The following ARID1B variants were observed in gnomAD, a reference collection of about 807,000 sequenced individuals.
The protein encoded by ARID1B is AT-rich interactive domain-containing protein 1B.
Under a neutral mutation model 212.3 loss-of-function variants are expected in ARID1B, and 30 were observed. That is an observed-to-expected ratio of 0.14 (90% CI 0.11 to 0.19). ARID1B has a LOEUF of 0.19. Among genes scored for constraint, ARID1B ranks in the 10% least tolerant of loss-of-function variants. The pLI is 1.00. For missense variants in ARID1B, 2,891 were observed against 3,204.0 expected, an observed-to-expected ratio of 0.90 and a Z score of 2.36; for synonymous variants, 1,402 against 1,301.7, an observed-to-expected ratio of 1.08 and a Z score of -1.66.
At chr6:156,897,208 TG>T (rs1788492663) in intron 2 of ARID1B, among the ~76,000 whole-genome samples, 11 of 77,758 alleles carry the variant, frequency 1.4e-4, no homozygotes, top group African/African-American at 3.3e-4. Flanking sequence ...CTGCTGCTGC[TG>T]CTGCTGCTGC....
At chr6:156,896,430 G>A (rs1788390385) in intron 2 of ARID1B, among the ~76,000 whole-genome samples, 1 of 151,542 alleles carries the variant, frequency 6.6e-6, no homozygotes. Context: ...ATATAAATTA[G>A]CTGGTCGTGG....
At chr6:157,167,947 ACT>A (rs1391814512) in intron 9 of ARID1B, 1 of 152,052 alleles carries the variant, frequency 6.6e-6, no homozygotes, top group African/African-American at 2.4e-5. Context: ...GCGACCTGTT[ACT>A]CTCTGTCACA....
chr6:157,189,647 T>C lies in ARID1B; in HGVS notation c.3925T>C (p.Ser1309Pro), dbSNP rs1402613006. 1.2e-6 allele frequency: 2 copies of C among 1,607,794 alleles called. No individual in the cohort carries two copies. The highest frequency in any genetic ancestry group is 3.5e-5 in the Admixed American group (2 of 57,422). ...PKLQPPSPAN[S>P]GSLQGPQTPQ... ...CTTGGTGCTGCTACTATCAGCTAACTCGGGATCCTTGCAAGGCCCACAGAC... is the reference window on the plus strand; with the variant it reads ...CTTGGTGCTGCTACTATCAGCTAACCCGGGATCCTTGCAAGGCCCACAGAC... The change falls in exon 14 of 20, where the codon TCG becomes CCG. Residue 1309 changes from serine (S) to proline (P), a missense_variant. Coordinates refer to ENST00000636930, the MANE Select transcript of ARID1B (RefSeq NM_001374828.1).
intron 5 of ARID1B, among the ~76,000 whole-genome samples, chr6:157,095,329 A>C (rs1271591309): frequency 6.6e-6 from 1 of 152,216 alleles, no homozygotes; most frequent in Non-Finnish European, 1.5e-5. Context: ...AATCGGTCTG[A>C]CACGGGGTAT....
intron 4 of ARID1B, among the ~76,000 whole-genome samples, chr6:156,987,169 GAGAGA>G (rs1233302699): frequency 4.2e-4 from 61 of 146,312 alleles, no homozygotes; most frequent in Non-Finnish European, 7.5e-5. Flanking sequence ...CAGAGAGAGA[GAGAGA>G]GAGAGAGAGA....
intron 9 of ARID1B, chr6:157,169,105 T>C (rs1212048490): frequency 6.9e-6 from 1 of 144,388 alleles, no homozygotes; most frequent in African/African-American, 2.8e-5. Flanking sequence ...GGGATGCGTC[T>C]ACCTGACTGC....
chr6:157,109,917 A>G (rs1786777779), intron 5 of ARID1B, among the ~76,000 whole-genome samples: 3 of 152,256 alleles, frequency 2.0e-5, no homozygotes, highest in African/African-American at 4.8e-5. Context: ...GAGATGCAGA[A>G]TAATAGTCCC....
chr6:157,146,623 CAT>C (rs1043549107), intron 7 of ARID1B, among the ~76,000 whole-genome samples: 24 of 152,302 alleles, frequency 1.6e-4, no homozygotes, highest in African/African-American at 5.1e-4. Flanking sequence ...CACACACACA[CAT>C]GCATACCCAT....
At chr6:156,902,903 T>G (rs920229231) in intron 3 of ARID1B, among the ~76,000 whole-genome samples, 9 of 152,140 alleles carry the variant, frequency 5.9e-5, no homozygotes, top group Non-Finnish European at 1.2e-4. Flanking sequence ...TATCTGGAGT[T>G]TTGATAAAGT....
rs1306754809 is a variant in ARID1B at position 156,778,588 on chromosome 6, G to T, written c.908G>T (p.Gly303Val). The T allele has an allele frequency of 2.4e-6, 3 of 1,274,680 alleles. No individual in the cohort carries two copies. The highest frequency in any genetic ancestry group is 2.0e-6 in the Non-Finnish European group (2 of 1,012,906). The allele number at this position is 1,274,680 out of a possible 1,614,324, so 79.0% of individuals were successfully genotyped here. A position where few individuals can be genotyped will look rare whatever the true frequency, so the allele number is the denominator to read the frequency against. ...CAGCCGCCGGTCGCCGTGCCCGGGG[G>T]CGGCGGCGGCCCGGCGGCCGTCCCG... is the stretch of plus-strand genomic sequence containing the variant. ...TQQPPVAVPG[G>V]GGGPAAVPEF... The change falls in exon 1 of 20, where the codon GGC becomes GTC. Residue 303 changes from glycine (G) to valine (V), a missense_variant. Gly to Val is a moderately radical substitution (Grantham distance 109, BLOSUM62 -3). Coordinates refer to ENST00000636930, the MANE Select transcript of ARID1B (RefSeq NM_001374828.1).
At chr6:156,797,428 G>A (rs1464682671) in intron 1 of ARID1B, among the ~76,000 whole-genome samples, 1 of 152,236 alleles carries the variant, frequency 6.6e-6, no homozygotes, top group Non-Finnish European at 1.5e-5. Flanking sequence ...CAGTCTTTCA[G>A]ATGCCCGGCC....
rs570150446 is a variant in ARID1B, at chr6:156,804,726, A to G, written c.1792-24501A>G. ...GTCCCTCCTACAACACATGGGGATT[A>G]TGGGAACTATAATTCCAGATAAGAT... On this transcript the variant is annotated intron_variant, in intron 1 of 19. Transcript: ENST00000636930. Among the ~76,000 whole-genome samples, 18 of 152,280 alleles carry G rather than the reference A, an allele frequency of 1.2e-4. 1 individual carries two copies. The South Asian group carries it at 2.3e-3, about 19-fold the overall frequency.
At position 157,208,506 on chromosome 6, in the gene ARID1B, C is replaced by CA. The variant is rs1437881955; in HGVS notation, c.*617dup. The CA allele has an allele frequency of 4.3e-6, 1 of 233,270 alleles. No individual in the cohort carries two copies. The highest frequency in any genetic ancestry group is 8.5e-6 in the Non-Finnish European group (1 of 117,814). 14.5% of individuals were successfully genotyped at this position (233,270 alleles called of 1,614,324 possible). A position where few individuals can be genotyped will look rare whatever the true frequency, so the allele number is the denominator to read the frequency against. ...GGTTCCATTAGGCTGGGAGCAAAAA[C>CA]AATGTTTTTTAAGATTGAGAATACA... On this transcript the variant is annotated 3_prime_UTR_variant, in exon 20 of 20. Coordinates refer to ENST00000636930, the MANE Select transcript of ARID1B (RefSeq NM_001374828.1).
chr6:157,152,849 G>A (rs1194012996), intron 8 of ARID1B, among the ~76,000 whole-genome samples: 1 of 152,206 alleles, frequency 6.6e-6, no homozygotes, highest in Non-Finnish European at 1.5e-5. Flanking sequence ...CTTTGGGAGA[G>A]GAAGAAATGG....
chr6:156,845,068 C>A (rs984942571), intron 2 of ARID1B, among the ~76,000 whole-genome samples: 2 of 48,754 alleles, frequency 4.1e-5, no homozygotes, highest in Non-Finnish European at 9.5e-5. Flanking sequence ...ATGTAAAAAG[C>A]TCTGTCTCCG....
At chr6:156,814,808 G>A (rs747813335) in intron 1 of ARID1B, among the ~76,000 whole-genome samples, 6 of 152,096 alleles carry the variant, frequency 3.9e-5, no homozygotes, top group Non-Finnish European at 8.8e-5. Context: ...ACTTTTGGGA[G>A]GATAATACTC....
chr6:156,996,711 T>C (rs1236190385), intron 4 of ARID1B, among the ~76,000 whole-genome samples: 2 of 152,238 alleles, frequency 1.3e-5, no homozygotes, highest in Non-Finnish European at 2.9e-5. Context: ...AGAATGTGAA[T>C]TTTAACCCAT....
rs533223138 is a variant in ARID1B, at chr6:156,916,912, C to G, written c.2136+15387C>G. 2.6e-5 allele frequency among the ~76,000 whole-genome samples: 4 copies of G among 152,266 alleles called. No individual in the cohort carries two copies. The South Asian group carries it at 8.3e-4, about 32-fold the overall frequency. On this transcript the variant is annotated intron_variant, in intron 3 of 19. Coordinates refer to ENST00000636930, the MANE Select transcript of ARID1B (RefSeq NM_001374828.1). ...GTGTCAAGGCCAGTGTTCCAACAAT[C>G]AGGTAACTCAAAGAGAGTTGCCTGG... is the stretch of plus-strand genomic sequence containing the variant.
At chr6:157,109,254 C>T (rs1438491126) in intron 5 of ARID1B, among the ~76,000 whole-genome samples, 1 of 151,858 alleles carries the variant, frequency 6.6e-6, no homozygotes, top group African/African-American at 2.4e-5. Flanking sequence ...TCACGGGGGG[C>T]GAATTGGTGA....
Sources: gnomAD v4.1 joint callset for allele counts (sites outside exome capture counted in the v4.1 genomes callset) on GRCh38, gnomAD v4.1.1 for gene constraint, MANE v1.5 for transcripts, NCBI Gene and HGNC (gene_info 2026-07-23, HGNC 2026-07-21) for gene names.